NLRP14: variants seen among roughly 807,000 people sequenced by gnomAD.
NLRP14 encodes the protein NLR family pyrin domain containing 14.
Under a neutral mutation model 94.7 loss-of-function variants are expected in NLRP14, and 105 were observed. That is an observed-to-expected ratio of 1.11 (90% CI 0.95 to 1.30). The LOEUF (loss-of-function observed/expected upper bound fraction) is 1.30. Among genes scored for constraint, NLRP14 ranks in the 50% most tolerant of loss-of-function variants. NLRP14 has a pLI of 0.00. For synonymous variants in NLRP14, 508 were observed against 459.9 expected (o/e 1.10, Z -1.34); for missense variants, 1,362 against 1,254.1 (o/e 1.09, Z -1.30).
chr11:7,040,294 G>T (rs7114066), intron 3 of NLRP14, among the ~76,000 whole-genome samples: 1 of 151,950 alleles, frequency 6.6e-6, no homozygotes, highest in Non-Finnish European at 1.5e-5. Flanking sequence ...GAGGTGAGTG[G>T]TAGGCCACGG....
chr11:7,081,389 C>T, the NLRP14 span, among the ~76,000 whole-genome samples: 5 of 152,006 alleles, frequency 3.3e-5, no homozygotes, highest in African/African-American at 1.2e-4. Flanking sequence ...TAGTATCACC[C>T]AAGATGGGCA....
the NLRP14 span, among the ~76,000 whole-genome samples, chr11:7,081,561 TA>T: frequency 6.6e-6 from 1 of 152,208 alleles, no homozygotes; most frequent in Non-Finnish European, 1.5e-5. Flanking sequence ...CAAAGTATCC[TA>T]TGAAATATAA....
At chr11:7,086,816 C>T in the NLRP14 span, among the ~76,000 whole-genome samples, 4,703 of 152,090 alleles carry the variant, frequency 0.031, 136 homozygotes, top group East Asian at 0.13. Flanking sequence ...CTAGCTAGCC[C>T]TGAGGAATGA....
Position 7,048,024 on chromosome 11 carries a change from T to C in NLRP14, c.2123+1192T>C, listed in dbSNP as rs191966666. ...ATCTACCCATCTTGGCCTCCCAAAG[T>C]GCTGGGATTACAGGCATGAGCCACC... On this transcript the variant is annotated intron_variant, in intron 5 of 11. Coordinates refer to ENST00000299481, the MANE Select transcript of NLRP14 (RefSeq NM_176822.4). Among the ~76,000 whole-genome samples, 585 of 151,966 alleles carry C rather than the reference T, an allele frequency of 3.8e-3. 6 individuals are homozygous for C. The highest frequency in any genetic ancestry group is 0.013 in the African/African-American group (541 of 41,432).
the NLRP14 span, among the ~76,000 whole-genome samples, chr11:7,078,104 T>C: frequency 6.6e-5 from 10 of 152,194 alleles, no homozygotes; most frequent in Admixed American, 1.3e-4. Context: ...ATGTGCATTT[T>C]TACCATAATT....
chr11:7,057,607 G>A, intron 6 of NLRP14, 70 bp from the exon 7 acceptor site: 1 of 1,386,100 alleles, frequency 7.2e-7, no homozygotes, highest in Non-Finnish European at 1.0e-6. Flanking sequence ...CTACCTTTGG[G>A]ATCGGTAGGT....
rs146600016 is a variant in NLRP14 at position 7,044,389 on chromosome 11, T to G, written c.1958+405T>G. ...TCATCCAGAATAAGGGACCAGAAAT[T>G]TTCTGCTGAACCTGGTAAACACAGG... On this transcript the variant is annotated intron_variant, in intron 4 of 11. Coordinates refer to ENST00000299481, the MANE Select transcript of NLRP14 (RefSeq NM_176822.4). Among the ~76,000 whole-genome samples the G allele has an allele frequency of 3.1e-3, 465 of 152,172 alleles. 2 individuals are homozygous for G. Among genetic ancestry groups the G allele is most frequent in the African/African-American group, 0.01 (435 of 41,490 alleles).
Position 7,043,404 on chromosome 11 carries a change from T to G in NLRP14, c.1378T>G (p.Phe460Val). ...GTTAACTCAATCTGATGTCTCTAGT[T>G]TTATGGACAGCAATATTATTCAGAA... ...LGLTQSDVSS[F>V]MDSNIIQKDA... is the part of the protein sequence containing the mutation. The change falls in exon 4 of 12, where the codon TTT becomes GTT. Residue 460 changes from phenylalanine (F) to valine (V), a missense_variant. Physicochemically the swap from Phe to Val is conservative, Grantham distance 50. Coordinates refer to ENST00000299481, the MANE Select transcript of NLRP14 (RefSeq NM_176822.4). 1 of 1,614,080 alleles carries G rather than the reference T, an allele frequency of 6.2e-7. No individual in the cohort carries two copies. Among genetic ancestry groups the G allele is most frequent in the African/African-American group, 1.3e-5 (1 of 75,036 alleles).
intron 10 of NLRP14, among the ~76,000 whole-genome samples, chr11:7,066,395 A>T (rs1253923932): frequency 6.6e-6 from 1 of 152,068 alleles, no homozygotes; most frequent in Non-Finnish European, 1.5e-5. Context: ...TTTAATGATC[A>T]CCATTCTAAC....
chr11:7,038,660 A>C lies in NLRP14; in HGVS notation c.74A>C (p.Glu25Ala), dbSNP rs749526884. The stretch of plus-strand genomic sequence containing the variant: ...TTGTATTTGGAGGAGCTAAACAAAG[A>C]GGAATTAAATACATTCAAGTTATTC... ...LLLYLEELNKEELNTFKLFLK... is the reference protein window; with the variant it reads ...LLLYLEELNKAELNTFKLFLK... Residue 25 changes from glutamate to alanine, a missense_variant, in exon 2 of 12, where the codon GAG (glutamate) becomes GCG (alanine). Transcript: ENST00000299481. The C allele has an allele frequency of 2.5e-5, 40 of 1,613,730 alleles. No homozygotes were observed. In the South Asian group the frequency reaches 3.7e-4, roughly 15 times the overall value.
chr11:7,075,470 A>G (rs924125820), downstream of NLRP14, among the ~76,000 whole-genome samples: 1 of 152,242 alleles, frequency 6.6e-6, no homozygotes, highest in African/African-American at 2.4e-5. Context: ...AATAAAATTC[A>G]GTCTCTTTGT....
At chr11:7,089,062 G>C in the NLRP14 span, 1 of 1,569,406 alleles carries the variant, frequency 6.4e-7, no homozygotes, top group African/African-American at 1.4e-5. Flanking sequence ...CTCGAAGGCT[G>C]CGACTGGCGC....
In NLRP14 at chr11:7,070,446, C is replaced by G; in HGVS notation, c.3136C>G (p.Gln1046Glu). ...CTTGAAGTCTCCTAAGTGTAAACTACAAGTTCTAGGGTAAGTCTCCATTGG... is the reference window on the plus strand; with the variant it reads ...CTTGAAGTCTCCTAAGTGTAAACTAGAAGTTCTAGGGTAAGTCTCCATTGG... The part of the protein sequence containing the change: ...KVLKSPKCKL[Q>E]VLGLCKEAFD... The change falls in exon 11 of 12, where the codon CAA (glutamine) becomes GAA (glutamate). Residue 1046 changes from glutamine to glutamate, a missense_variant. By Grantham distance (29) the Gln-to-Glu change is conservative. Coordinates refer to ENST00000299481, the MANE Select transcript of NLRP14 (RefSeq NM_176822.4). 6.2e-7 allele frequency: 1 copy of G among 1,610,430 alleles called. No individual in the cohort carries two copies. The highest frequency in any genetic ancestry group is 8.5e-7 in the Non-Finnish European group (1 of 1,177,084).
chr11:7,040,632 A>G (rs1055021945), intron 3 of NLRP14, among the ~76,000 whole-genome samples: 1 of 152,222 alleles, frequency 6.6e-6, no homozygotes, highest in Non-Finnish European at 1.5e-5. Flanking sequence ...TCCAATTTAT[A>G]TAAATGGAAT....
At chr11:7,090,529 G>C in the NLRP14 span, 1 of 601,196 alleles carries the variant, frequency 1.7e-6, no homozygotes, top group Non-Finnish European at 3.0e-6. Context: ...CCTGTTAAAA[G>C]TATATGAACC....
chr11:7,032,796 G>A (rs1422327866), intron 1 of NLRP14, among the ~76,000 whole-genome samples: 2 of 152,052 alleles, frequency 1.3e-5, no homozygotes, highest in Non-Finnish European at 2.9e-5. Flanking sequence ...TCATTTTAGG[G>A]ATATGAACAT....
At position 7,056,515 on chromosome 11, in the gene NLRP14, C is replaced by CAAAAAA. The variant is rs60703550; in HGVS notation, c.2292-1150_2292-1145dup. 1.1e-4 allele frequency among the ~76,000 whole-genome samples: 13 copies of CAAAAAA among 122,856 alleles called. 1 individual carries two copies. The highest frequency in any genetic ancestry group is 2.6e-4 in the South Asian group (1 of 3,850). 80.6% of individuals were successfully genotyped at this position (122,856 alleles called of 152,430 possible). ...AGCTGAAATTCTATTAGCACTAATA[C>CAAAAAA]AAAAAAAAAAAAAAAAAGAAATCTC... On this transcript the variant is annotated intron_variant, in intron 6 of 11. Coordinates refer to ENST00000299481, the MANE Select transcript of NLRP14 (RefSeq NM_176822.4).
At chr11:7,090,336 C>A in the NLRP14 span, 2 of 1,549,056 alleles carry the variant, frequency 1.3e-6, no homozygotes, top group Non-Finnish European at 1.7e-6. Context: ...CCCTTTTCAA[C>A]GAAACTAACA....
intron 1 of NLRP14, among the ~76,000 whole-genome samples, chr11:7,030,433 C>A (rs1852073698): frequency 6.6e-6 from 1 of 152,224 alleles, no homozygotes. Flanking sequence ...TCCCAGATAT[C>A]TGCATTGTTC....
Sources: allele counts gnomAD v4.1 joint callset (sites outside exome capture counted in the v4.1 genomes callset), GRCh38; gene constraint gnomAD v4.1.1; transcripts MANE v1.5; gene names NCBI Gene and HGNC (gene_info 2026-07-23, HGNC 2026-07-21).